UCHL5: variants seen among roughly 807,000 people sequenced by gnomAD.
UCHL5 encodes ubiquitin C-terminal hydrolase L5.
In UCHL5, 34 loss-of-function variants were observed where a neutral mutation model predicts 53.8. The ratio of observed to expected loss-of-function variants is 0.63; its 90% CI spans 0.48 to 0.84. The LOEUF is 0.84. Ranked by LOEUF, UCHL5 falls within the 40% of genes least tolerant of loss-of-function variation. The pLI, the probability that UCHL5 is intolerant of heterozygous loss-of-function variation, is 0.00. For missense variants in UCHL5, 290 were observed against 385.6 expected (o/e 0.75, Z 2.08); for synonymous variants, 111 against 126.3 (o/e 0.88, Z 0.81).
chr1:193,023,510 A>G (rs556929618), intron 8 of UCHL5, among the ~76,000 whole-genome samples: 55 of 152,322 alleles, frequency 3.6e-4, no homozygotes, highest in Admixed American at 5.2e-4. Context: ...AATAGTTAAA[A>G]TAGTTCATTC....
rs889847506 is a variant in UCHL5, at chr1:193,015,649, G to C, written c.*702C>G. 6.6e-6 allele frequency: 1 copy of C among 151,910 alleles called. No individual in the cohort carries two copies. The highest frequency in any genetic ancestry group is 2.4e-5 in the African/African-American group (1 of 41,408). 9.4% of individuals were successfully genotyped at this position (151,910 alleles called of 1,614,324 possible). ...TGAGAGTAACACCAACATTCTTTAA[G>C]ATTTACAATTTCTTCTTAACCTGAA... On this transcript the variant is annotated 3_prime_UTR_variant, in exon 11 of 11. Transcript: ENST00000367454.
intron 3 of UCHL5, among the ~76,000 whole-genome samples, chr1:193,034,135 C>T (rs139155000): frequency 3.9e-5 from 6 of 151,994 alleles, no homozygotes; most frequent in South Asian, 2.1e-4. Context: ...GGACTGAAGG[C>T]GGCTAAAAGG....
Position 193,017,716 on chromosome 1 carries a change from AAC to A in UCHL5, c.943-1323_943-1322del, listed in dbSNP as rs1243788888. ...ACTTTACAACATAATTAAATGAGCA[AAC>A]ACATATAAGGCAGAGTGTCTATACA... is the stretch of plus-strand genomic sequence containing the variant. On this transcript the variant is annotated intron_variant, in intron 10 of 10. Transcript: ENST00000367454. Among the ~76,000 whole-genome samples the A allele has an allele frequency of 2.6e-5, 4 of 151,732 alleles. No homozygotes were observed. In the East Asian group the frequency reaches 5.8e-4, roughly 22 times the overall value.
chr1:193,014,013 A>G lies in UCHL5; in HGVS notation c.*2338T>C, dbSNP rs1163072537. On this transcript the variant is annotated 3_prime_UTR_variant, in exon 11 of 11. Transcript: ENST00000367454. ...GAATTGGCTATTTTGAAGGCTTAAA[A>G]TAGAATGGAAGCGACTTCACCTACC... The G allele has an allele frequency of 6.6e-6, 1 of 152,196 alleles. No homozygotes were observed. The allele number at this position is 152,196 out of a possible 1,614,324, so 9.4% of individuals were successfully genotyped here. A position where few individuals can be genotyped will look rare whatever the true frequency, so the allele number is the denominator to read the frequency against.
intron 3 of UCHL5, among the ~76,000 whole-genome samples, chr1:193,039,893 G>C (rs916724741): frequency 5.9e-5 from 9 of 152,284 alleles, no homozygotes; most frequent in African/African-American, 2.2e-4. Context: ...ATATACAATA[G>C]AGAAAGGGTA....
chr1:193,019,727 A>T (rs183844936), intron 10 of UCHL5, among the ~76,000 whole-genome samples: 5 of 151,874 alleles, frequency 3.3e-5, no homozygotes, highest in Non-Finnish European at 7.4e-5. Flanking sequence ...TCTCAAAAAA[A>T]TCTGGGGATA....
At chr1:193,027,271 C>T (rs1164565707) in intron 7 of UCHL5, among the ~76,000 whole-genome samples, 1 of 152,078 alleles carries the variant, frequency 6.6e-6, no homozygotes, top group Non-Finnish European at 1.5e-5. Flanking sequence ...TTTCTTACAA[C>T]TGAATATATA....
rs1439238126 is a variant in UCHL5, at chr1:193,049,891, T to A, written c.141-40A>T. On this transcript the variant is annotated intron_variant, in intron 2 of 10. Coordinates refer to ENST00000367454, the MANE Select transcript of UCHL5 (RefSeq NM_001199261.3). ...ACAAATTAATGACATCAAACCCTGC[T>A]TCTTTCATAATACATTGTTAATCTA... 4 of 1,514,962 alleles carry A rather than the reference T, an allele frequency of 2.6e-6. No homozygotes were observed. In the African/African-American group the frequency reaches 4.2e-5, roughly 16 times the overall value. The allele number at this position is 1,514,962 out of a possible 1,614,324, so 93.8% of individuals were successfully genotyped here. A position where few individuals can be genotyped will look rare whatever the true frequency, so the allele number is the denominator to read the frequency against.
upstream of UCHL5, chr1:193,059,458 A>C: frequency 6.2e-7 from 1 of 1,609,370 alleles, no homozygotes; most frequent in Non-Finnish European, 8.5e-7. The surrounding 1 kb of genome is among the most constrained non-coding windows in gnomAD (Gnocchi z 4.9). Context: ...CACCCTAGAG[A>C]CATCGAAACT....
chr1:193,059,917 G>C (rs531788256), upstream of UCHL5: 1 of 1,366,038 alleles, frequency 7.3e-7, no homozygotes, highest in Non-Finnish European at 9.8e-7. This position sits in a 1 kb window ranked among gnomAD's most constrained non-coding sequence, Gnocchi z 4.9. Flanking sequence ...GCTCTTCCCC[G>C]TCCCGCTTCC....
rs1450148614 is a variant in UCHL5, at chr1:193,016,053, C to A, written c.*298G>T. On this transcript the variant is annotated 3_prime_UTR_variant, in exon 11 of 11. Coordinates refer to ENST00000367454, the MANE Select transcript of UCHL5 (RefSeq NM_001199261.3). Reference sequence around the variant, plus strand: ...TTACAGATAAGGAATATCGTTTGTGCATTTTCTAGCTTCATATGGTAGTTA... The same window carrying A: ...TTACAGATAAGGAATATCGTTTGTGAATTTTCTAGCTTCATATGGTAGTTA... The A allele has an allele frequency of 6.3e-6, 2 of 318,308 alleles. No individual in the cohort carries two copies. The highest frequency in any genetic ancestry group is 1.1e-5 in the Non-Finnish European group (2 of 174,606). 19.7% of individuals were successfully genotyped at this position (318,308 alleles called of 1,614,324 possible).
At chr1:193,016,482 A>C in intron 10 of UCHL5, 87 bp from the exon 11 acceptor site, 13 of 1,223,730 alleles carry the variant, frequency 1.1e-5, no homozygotes, top group African/African-American at 1.5e-5. Context: ...GGGTATTCTC[A>C]AGCTGAAAGG....
At chr1:193,033,730 G>A (rs1220959746) in intron 3 of UCHL5, among the ~76,000 whole-genome samples, 7 of 151,952 alleles carry the variant, frequency 4.6e-5, no homozygotes, top group Admixed American at 4.6e-4. Context: ...ACAGAAAAAA[G>A]GGATGAACAC....
upstream of UCHL5, chr1:193,059,850 C>T (rs573320368): frequency 7.3e-7 from 1 of 1,362,786 alleles, no homozygotes; most frequent in South Asian, 1.1e-5. The surrounding 1 kb of genome is among the most constrained non-coding windows in gnomAD (Gnocchi z 4.9). Flanking sequence ...GACCAGTCCT[C>T]CATGTCTCTC....
chr1:193,030,375 C>G (rs1299271383), intron 3 of UCHL5, among the ~76,000 whole-genome samples: 2 of 152,186 alleles, frequency 1.3e-5, no homozygotes, highest in African/African-American at 4.8e-5. Context: ...TTTGTAGAAG[C>G]TGAGGCACAA....
intron 3 of UCHL5, among the ~76,000 whole-genome samples, chr1:193,039,700 G>A (rs565021880): frequency 6.6e-6 from 1 of 152,162 alleles, no homozygotes; most frequent in South Asian, 2.1e-4. Context: ...GCAATCCTGA[G>A]CAAAAAGAAC....
rs1443428201 is a variant in UCHL5 at position 193,015,379 on chromosome 1, C to G, written c.*972G>C. 2 of 152,144 alleles carry G rather than the reference C, an allele frequency of 1.3e-5. No individual in the cohort carries two copies. The highest frequency in any genetic ancestry group is 3.9e-4 in the East Asian group (2 of 5,194). 9.4% of individuals were successfully genotyped at this position (152,144 alleles called of 1,614,324 possible). On this transcript the variant is annotated 3_prime_UTR_variant, in exon 11 of 11. Transcript: ENST00000367454. ...AGCTTTATAAAGTCTTCTTTAAAGTCTGACTTGCAAAGGAAGATTAGAAGC... is the reference window on the plus strand; with the variant it reads ...AGCTTTATAAAGTCTTCTTTAAAGTGTGACTTGCAAAGGAAGATTAGAAGC...
chr1:193,021,194 A>G lies in UCHL5; in HGVS notation c.845T>C (p.Ile282Thr). The G allele has an allele frequency of 1.3e-6, 2 of 1,587,650 alleles. No homozygotes were observed. Among genetic ancestry groups the G allele is most frequent in the Non-Finnish European group, 1.7e-6 (2 of 1,158,520 alleles). The change falls in exon 10 of 11, where the codon ATT becomes ACT. Residue 282 changes from isoleucine (I) to threonine (T), a missense_variant and splice_region_variant. Ile to Thr is a moderately conservative substitution (Grantham distance 89, BLOSUM62 -1). Coordinates refer to ENST00000367454, the MANE Select transcript of UCHL5 (RefSeq NM_001199261.3). ...ATTATGCTTCCTTCTGATATTCTCA[A>G]TCTGAAAATAAAACATCAATCCACA... ...EEVQKLKRYK[I>T]ENIRRKHNYL...
chr1:193,059,448 C>T (rs1054039178), upstream of UCHL5: 9 of 1,610,008 alleles, frequency 5.6e-6, no homozygotes, highest in Non-Finnish European at 7.6e-6. This position sits in a 1 kb window ranked among gnomAD's most constrained non-coding sequence, Gnocchi z 4.9. Context: ...ACGCTCTAGC[C>T]ACCCTAGAGA....
Sources: gnomAD v4.1 joint callset for allele counts (sites outside exome capture counted in the v4.1 genomes callset) on GRCh38, gnomAD v4.1.1 for gene constraint, Gnocchi (gnomAD v3.1) non-coding constraint, MANE v1.5 for transcripts, NCBI Gene and HGNC (gene_info 2026-07-23, HGNC 2026-07-21) for gene names.